Variants in PCNT observed in about 807,000 individuals in gnomAD.
The protein encoded by PCNT is pericentrin.
PCNT carries 319 observed loss-of-function variants against 380.4 expected under a neutral mutation model. The ratio of observed to expected loss-of-function variants is 0.84; its 90% CI spans 0.77 to 0.92. The LOEUF is 0.92. Ranked by LOEUF, PCNT falls within the 40% of genes least tolerant of loss-of-function variation. PCNT has a pLI of 0.00. For missense variants in PCNT, 4,400 were observed against 4,255.3 expected, an observed-to-expected ratio of 1.03 and a Z score of -0.95; for synonymous variants, 1,845 against 1,735.2, an observed-to-expected ratio of 1.06 and a Z score of -1.57.
chr21:46,343,544 C>T (rs2083969991), intron 3 of PCNT, among the ~76,000 whole-genome samples: 1 of 152,232 alleles, frequency 6.6e-6, no homozygotes, highest in African/African-American at 2.4e-5. Flanking sequence ...AAGATTTTTG[C>T]ATCTATGTTC....
At chr21:46,357,893 G>A (rs1250531871) in intron 13 of PCNT, among the ~76,000 whole-genome samples, 1 of 152,240 alleles carries the variant, frequency 6.6e-6, no homozygotes, top group Non-Finnish European at 1.5e-5. Context: ...TTGCACCTGT[G>A]GAAGAGGCAC....
At chr21:46,427,912 T>C in intron 34 of PCNT, 117 bp downstream of exon 34, 1 of 1,146,636 alleles carries the variant, frequency 8.7e-7, no homozygotes, top group Non-Finnish European at 1.3e-6. Flanking sequence ...TCTCGACCGC[T>C]GGAATGTGGC....
chr21:46,382,011 G>A lies in PCNT; in HGVS notation c.3312+171G>A, dbSNP rs79769247. ...TTCACAGTGTTGTAGATTCAGTGGC[G>A]GAAGCGCATTCACGGTGTTGTGCAT... On this transcript the variant is annotated intron_variant, in intron 16 of 46. Transcript: ENST00000359568. Among the ~76,000 whole-genome samples the A allele has an allele frequency of 0.085, 11,729 of 138,416 alleles. 849 individuals are homozygous for A. Among genetic ancestry groups the A allele is most frequent in the South Asian group, 0.14 (550 of 4,034 alleles). 90.8% of individuals were successfully genotyped at this position (138,416 alleles called of 152,430 possible).
intron 24 of PCNT, among the ~76,000 whole-genome samples, chr21:46,399,361 C>G (rs2086339877): frequency 7.8e-6 from 1 of 128,596 alleles, no homozygotes; most frequent in Non-Finnish European, 1.6e-5. Context: ...GGTCTCTGTT[C>G]AGCCTGTGGG....
chr21:46,403,359 G>C (rs1217378110), intron 27 of PCNT, among the ~76,000 whole-genome samples: 16 of 149,550 alleles, frequency 1.1e-4, no homozygotes, highest in African/African-American at 3.0e-4. Context: ...CGCGTGCTCG[G>C]TGAATGAACA....
intron 13 of PCNT, among the ~76,000 whole-genome samples, chr21:46,359,480 G>GTTTGTTTTTTTTTTTTT: frequency 1.5e-5 from 1 of 65,732 alleles, no homozygotes; most frequent in Non-Finnish European, 3.4e-5. Context: ...AAATACACCT[G>GTTTGTTTTTTTTTTTTT]TTTTTTTTTT....
Position 46,362,412 on chromosome 21 carries a change from T to A in PCNT, c.2155-1068T>A, listed in dbSNP as rs186404447. Reference sequence around the variant, plus strand: ...CAGCCCTCTGCAGGGTCTGTCTGCTTGTGGATCTCTCCACAGCCTTCAGGT... The same window carrying A: ...CAGCCCTCTGCAGGGTCTGTCTGCTAGTGGATCTCTCCACAGCCTTCAGGT... On this transcript the variant is annotated intron_variant, in intron 13 of 46. Coordinates refer to ENST00000359568, the MANE Select transcript of PCNT (RefSeq NM_006031.6). 6.2e-4 allele frequency among the ~76,000 whole-genome samples: 94 copies of A among 152,316 alleles called. No individual in the cohort carries two copies. In the Middle Eastern group the frequency reaches 0.01, roughly 17 times the overall value.
intron 3 of PCNT, 142 bp from the exon 4 acceptor site, chr21:46,345,986 C>T (rs1601792578): frequency 3.8e-6 from 3 of 784,498 alleles, no homozygotes; most frequent in South Asian, 2.8e-5. Flanking sequence ...GGGTTGCTCC[C>T]ACCTTCTGGC....
chr21:46,359,480 G>GTTTGTTTTTTTTTTT (rs2084610347), intron 13 of PCNT, among the ~76,000 whole-genome samples: 1 of 65,732 alleles, frequency 1.5e-5, no homozygotes, highest in Admixed American at 2.1e-4. Context: ...AAATACACCT[G>GTTTGTTTTTTTTTTT]TTTTTTTTTT....
intron 15 of PCNT, among the ~76,000 whole-genome samples, chr21:46,372,264 G>A (rs537366040): frequency 6.6e-6 from 1 of 150,498 alleles, no homozygotes; most frequent in Admixed American, 6.6e-5. Context: ...ACATGTGCAC[G>A]TGTAGCACAT....
intron 37 of PCNT, chr21:46,430,896 C>CA: frequency 1.0e-6 from 1 of 985,264 alleles, no homozygotes; most frequent in Non-Finnish European, 1.2e-6. Context: ...GCTCGGAGCC[C>CA]CCCCCCGTCC....
Position 46,416,366 on chromosome 21 carries a change from T to C in PCNT, c.6448T>C (p.Cys2150Arg). The C allele has an allele frequency of 6.2e-7, 1 of 1,614,008 alleles. No homozygotes were observed. The highest frequency in any genetic ancestry group is 1.1e-5 in the South Asian group (1 of 91,068). Residue 2150 changes from cysteine to arginine, a missense_variant, in exon 30 of 47, where the codon TGT becomes CGT. Cys to Arg is a radical substitution (Grantham distance 180). Coordinates refer to ENST00000359568, the MANE Select transcript of PCNT (RefSeq NM_006031.6). ...DVIKNQAIDACDANTTPGGVT... is the reference protein window; with the variant it reads ...DVIKNQAIDARDANTTPGGVT... ...TATCAAAAATCAGGCCATAGACGCG[T>C]GTGATGCCAATACAACCCCAGGGGG... is the stretch of plus-strand genomic sequence containing the variant.
Position 46,371,696 on chromosome 21 carries a change from C to T in PCNT, c.3165+4557C>T, listed in dbSNP as rs151281870. On this transcript the variant is annotated intron_variant, in intron 15 of 46. Coordinates refer to ENST00000359568, the MANE Select transcript of PCNT (RefSeq NM_006031.6). ...GCACCTATGCAGGACTGCATTTAAG[C>T]AGCAAGGTCTCCCCACTTGTGGACC... Among the ~76,000 whole-genome samples the T allele has an allele frequency of 7.2e-3, 1,104 of 152,328 alleles. 8 individuals are homozygous for T. The highest frequency in any genetic ancestry group is 7.8e-3 in the Non-Finnish European group (534 of 68,030).
chr21:46,356,925 C>A, intron 12 of PCNT, 49 bp from the exon 13 acceptor site: 1 of 1,547,098 alleles, frequency 6.5e-7, no homozygotes, highest in Non-Finnish European at 8.9e-7. Context: ...TGGGCTCCAT[C>A]GAGGGCCGGC....
intron 15 of PCNT, among the ~76,000 whole-genome samples, chr21:46,378,962 C>T (rs1406862081): frequency 6.6e-6 from 1 of 152,136 alleles, no homozygotes; most frequent in African/African-American, 2.4e-5. Context: ...GTTTTGTCTC[C>T]TGTTTTCTCT....
At chr21:46,339,442 C>T (rs2083853194) in intron 3 of PCNT, among the ~76,000 whole-genome samples, 1 of 152,148 alleles carries the variant, frequency 6.6e-6, no homozygotes, top group South Asian at 2.1e-4. Flanking sequence ...TATTAAGGAG[C>T]ATCGAGTCAC....
At chr21:46,364,074 G>A (rs1307327745) in intron 14 of PCNT, 140 bp downstream of exon 14, 6 of 751,020 alleles carry the variant, frequency 8.0e-6, no homozygotes, top group Non-Finnish European at 1.3e-5. Flanking sequence ...AAGGTGTGGC[G>A]CTCTAGGTTT....
rs1394264666 is a variant in PCNT, at chr21:46,398,023, G to C, written c.4456G>C (p.Ala1486Pro). 6.3e-7 allele frequency: 1 copy of C among 1,585,674 alleles called. No homozygotes were observed. The highest frequency in any genetic ancestry group is 8.6e-7 in the Non-Finnish European group (1 of 1,167,730). Residue 1486 changes from alanine (A) to proline (P), a missense_variant, in exon 23 of 47, where the codon GCC becomes CCC. By Grantham distance (27) the Ala-to-Pro change is conservative. Transcript: ENST00000359568. ...NQRQFMDEQAAEREHEREEFQ... is the reference protein window; with the variant it reads ...NQRQFMDEQAPEREHEREEFQ... ...CTGCCTCTCCTCCCAGGAGCAGGCA[G>C]CCGAGCGGGAGCACGAGCGCGAGGA...
At chr21:46,431,292 A>G (rs1027310324) in intron 37 of PCNT, 11 of 1,386,190 alleles carry the variant, frequency 7.9e-6, no homozygotes, top group Admixed American at 3.0e-5. Context: ...GACTGGGAAC[A>G]TCTCTGAACC....
Sources: gnomAD v4.1 joint callset for allele counts (sites outside exome capture counted in the v4.1 genomes callset) on GRCh38, gnomAD v4.1.1 for gene constraint, MANE v1.5 for transcripts, NCBI Gene and HGNC (gene_info 2026-07-23, HGNC 2026-07-21) for gene names.